ITGAM: variants seen among roughly 807,000 people sequenced by gnomAD.
ITGAM encodes integrin subunit alpha M, also known as integrin alpha-M.
ITGAM carries 79 observed loss-of-function variants against 137.5 expected under a neutral mutation model. The observed-to-expected ratio is 0.57, with a 90% CI of 0.48 to 0.69. The LOEUF is 0.69. ITGAM is among the 30% of genes least tolerant of loss of function. The pLI, the probability that ITGAM is intolerant of heterozygous loss-of-function variation, is 0.00. For missense variants in ITGAM, 1,343 were observed against 1,483.5 expected (o/e 0.91, Z 1.56); for synonymous variants, 583 against 592.3 (o/e 0.98, Z 0.23).
At chr16:31,321,015 A>G (rs1480811639) in intron 14 of ITGAM, among the ~76,000 whole-genome samples, 1 of 152,144 alleles carries the variant, frequency 6.6e-6, no homozygotes. Context: ...TTTTATTTTA[A>G]AAGTTTTTTT....
chr16:31,278,706 C>T (rs558785304), intron 12 of ITGAM, among the ~76,000 whole-genome samples: 1 of 152,314 alleles, frequency 6.6e-6, no homozygotes, highest in South Asian at 2.1e-4. Flanking sequence ...AATAGGACTG[C>T]ACCCATGATA....
At chr16:31,282,805 T>C (rs2079984281) in intron 12 of ITGAM, among the ~76,000 whole-genome samples, 1 of 152,236 alleles carries the variant, frequency 6.6e-6, no homozygotes, top group South Asian at 2.1e-4. Context: ...TGCAGTTTCT[T>C]CCTAGCATCG....
Position 31,271,939 on chromosome 16 carries a change from A to G in ITGAM, c.651A>G (p.Pro217=), listed in dbSNP as rs1596978425. Residue 217 remains proline (P), a synonymous_variant, in exon 7 of 30, where the codon CCA becomes CCG. Coordinates refer to ENST00000544665, the MANE Select transcript of ITGAM (RefSeq NM_000632.4). ...CTAACCCAAGATCACTGGTGAAGCC[A>G]ATAACGCAGCTGCTTGGGCGGACAC... ...NNPNPRSLVK[P]ITQLLGRTHT... 6.2e-7 allele frequency: 1 copy of G among 1,614,000 alleles called. No homozygotes were observed. Among genetic ancestry groups the G allele is most frequent in the Middle Eastern group, 1.6e-4 (1 of 6,062 alleles).
chr16:31,300,844 G>A (rs1189809298), intron 14 of ITGAM, among the ~76,000 whole-genome samples: 3 of 152,148 alleles, frequency 2.0e-5, no homozygotes, highest in African/African-American at 7.2e-5. Context: ...CCCGGGAGGT[G>A]GAGGTTGCAG....
chr16:31,262,144 C>G (rs1455025868), intron 2 of ITGAM, among the ~76,000 whole-genome samples: 1 of 152,206 alleles, frequency 6.6e-6, no homozygotes, highest in Admixed American at 6.5e-5. Context: ...AAATTAAGGC[C>G]TGCCTGCAGG....
chr16:31,274,735 C>T (rs2079888040), intron 8 of ITGAM, among the ~76,000 whole-genome samples: 1 of 152,054 alleles, frequency 6.6e-6, no homozygotes, highest in Non-Finnish European at 1.5e-5. Context: ...GTGCCTCAGC[C>T]TCCTGAGTAG....
chr16:31,281,939 AAAGAAC>A (rs1378635434), intron 12 of ITGAM, among the ~76,000 whole-genome samples: 2 of 152,218 alleles, frequency 1.3e-5, no homozygotes, highest in Non-Finnish European at 1.5e-5. Context: ...CATTGGTTTC[AAAGAAC>A]ATCTTTATTT....
chr16:31,330,838 GAT>G (rs1200080783), intron 28 of ITGAM, among the ~76,000 whole-genome samples: 5 of 148,842 alleles, frequency 3.4e-5, no homozygotes, highest in South Asian at 2.1e-4. Flanking sequence ...GAGTCAGAGA[GAT>G]AGAGATAGAG....
intron 14 of ITGAM, among the ~76,000 whole-genome samples, chr16:31,318,759 T>C (rs2080418290): frequency 6.6e-6 from 1 of 152,224 alleles, no homozygotes; most frequent in South Asian, 2.1e-4. Context: ...CTACTAACTT[T>C]AGGTTTAGTT....
chr16:31,306,884 T>TA (rs1383951983), intron 14 of ITGAM, among the ~76,000 whole-genome samples: 2 of 152,196 alleles, frequency 1.3e-5, no homozygotes, highest in Non-Finnish European at 2.9e-5. Context: ...TAGTTAGTAT[T>TA]AGTGTCCAAT....
At chr16:31,290,635 A>T (rs1023088573) in intron 12 of ITGAM, among the ~76,000 whole-genome samples, 1 of 152,238 alleles carries the variant, frequency 6.6e-6, no homozygotes, top group Non-Finnish European at 1.5e-5. Flanking sequence ...CATTATACTT[A>T]AAAGTGAAAG....
intron 12 of ITGAM, among the ~76,000 whole-genome samples, chr16:31,293,404 C>T (rs1330633806): frequency 6.6e-6 from 1 of 152,076 alleles, no homozygotes; most frequent in East Asian, 1.9e-4. Context: ...TTTAGTCTAT[C>T]TTGAGTTGAT....
In ITGAM at chr16:31,331,184, C is replaced by A; in HGVS notation, c.3296C>A (p.Pro1099Gln). 6.2e-7 allele frequency: 1 copy of A among 1,611,220 alleles called. No individual in the cohort carries two copies. ...CCCCAGACGGAGACCAAAGTGGAGCCGTTCGAGGTCCCCAACCCCCTGCCG... is the reference window on the plus strand; with the variant it reads ...CCCCAGACGGAGACCAAAGTGGAGCAGTTCGAGGTCCCCAACCCCCTGCCG... ...VRSQTETKVE[P>Q]FEVPNPLPLI... The change falls in exon 29 of 30, where the codon CCG (proline) becomes CAG (glutamine). Residue 1099 changes from proline to glutamine, a missense_variant. Transcript: ENST00000544665.
rs2080595607 is a variant in ITGAM, at chr16:31,332,072, T to A, written c.*365T>A. ...CTCACGTGTGTGACTCAGATGTCTCTGGCGTGTGGGTAGGTGACGGCAGCG... is the reference window on the plus strand; with the variant it reads ...CTCACGTGTGTGACTCAGATGTCTCAGGCGTGTGGGTAGGTGACGGCAGCG... On this transcript the variant is annotated 3_prime_UTR_variant, in exon 30 of 30. Coordinates refer to ENST00000544665, the MANE Select transcript of ITGAM (RefSeq NM_000632.4). 2 of 224,402 alleles carry A rather than the reference T, an allele frequency of 8.9e-6. No individual in the cohort carries two copies. Among genetic ancestry groups the A allele is most frequent in the Non-Finnish European group, 1.8e-5 (2 of 113,410 alleles). The allele number at this position is 224,402 out of a possible 1,614,324, so 13.9% of individuals were successfully genotyped here.
chr16:31,331,936 T>G lies in ITGAM; in HGVS notation c.*229T>G. On this transcript the variant is annotated 3_prime_UTR_variant, in exon 30 of 30. Coordinates refer to ENST00000544665, the MANE Select transcript of ITGAM (RefSeq NM_000632.4). ...GCATGTGCACTTGCACGCCCATGTG[T>G]GAGTGTGTGCAAGTATGTGAGTGTG... The G allele has an allele frequency of 1.8e-6, 1 of 560,572 alleles. No homozygotes were observed. The allele number at this position is 560,572 out of a possible 1,614,324, so 34.7% of individuals were successfully genotyped here.
intron 2 of ITGAM, among the ~76,000 whole-genome samples, chr16:31,263,571 G>T (rs995119944): frequency 4.0e-5 from 6 of 151,544 alleles, no homozygotes; most frequent in Non-Finnish European, 8.8e-5. Context: ...GTGAGAAGTG[G>T]TATCTTAATT....
intron 12 of ITGAM, among the ~76,000 whole-genome samples, chr16:31,289,772 G>T (rs1169436808): frequency 6.6e-6 from 1 of 152,034 alleles, no homozygotes; most frequent in African/African-American, 2.4e-5. Context: ...ATAAATTTCC[G>T]ATTGTTTAGG....
chr16:31,297,436 C>G (rs1392815771), intron 12 of ITGAM, 78 bp from the exon 13 acceptor site: 1 of 1,588,806 alleles, frequency 6.3e-7, no homozygotes, highest in Admixed American at 1.8e-5. Flanking sequence ...GCAGGCATAA[C>G]TTTTCTTCAG....
intron 6 of ITGAM, among the ~76,000 whole-genome samples, chr16:31,271,583 C>A (rs1193589011): frequency 6.6e-6 from 1 of 152,178 alleles, no homozygotes; most frequent in East Asian, 1.9e-4. Context: ...AAACTCCTGA[C>A]CTCAGGTGAT....
Sources: allele counts gnomAD v4.1 joint callset (sites outside exome capture counted in the v4.1 genomes callset), GRCh38; gene constraint gnomAD v4.1.1; transcripts MANE v1.5; gene names NCBI Gene and HGNC (gene_info 2026-07-23, HGNC 2026-07-21).